Variants in SYNE1 observed in about 807,000 individuals in gnomAD.
SYNE1 encodes the protein spectrin repeat containing nuclear envelope protein 1, also known as nesprin-1.
In SYNE1, 616 loss-of-function variants were observed where a neutral mutation model predicts 1,111.0. The observed-to-expected ratio is 0.55, with a 90% CI of 0.52 to 0.59. The LOEUF is 0.59. SYNE1 is among the 20% of genes least tolerant of loss of function. The pLI is 0.00. For synonymous variants in SYNE1, 3,855 were observed against 3,825.8 expected, an observed-to-expected ratio of 1.01 and a Z score of -0.28; for missense variants, 10,006 against 10,417.0, an observed-to-expected ratio of 0.96 and a Z score of 1.72.
At chr6:152,363,255 G>T (rs1317491975) in intron 63 of SYNE1, among the ~76,000 whole-genome samples, 1 of 148,194 alleles carries the variant, frequency 6.7e-6, no homozygotes, top group Non-Finnish European at 1.5e-5. Context: ...AGCACTTTGG[G>T]AGGCCAAGGC....
chr6:152,509,225 C>A (rs925707831), intron 8 of SYNE1, among the ~76,000 whole-genome samples: 2 of 150,000 alleles, frequency 1.3e-5, no homozygotes, highest in Admixed American at 1.3e-4. Flanking sequence ...TTTTTGAGAG[C>A]ACTCTTTTTC....
At chr6:152,610,400 T>A (rs1446845420) in intron 3 of SYNE1, among the ~76,000 whole-genome samples, 2 of 152,064 alleles carry the variant, frequency 1.3e-5, no homozygotes, top group African/African-American at 4.8e-5. Context: ...GTATCAGTAA[T>A]TGAAGATCAA....
At chr6:152,202,276 G>A (rs2075621972) in intron 126 of SYNE1, among the ~76,000 whole-genome samples, 2 of 146,532 alleles carry the variant, frequency 1.4e-5, no homozygotes, top group Admixed American at 7.0e-5. Context: ...GAACCCAGGA[G>A]GCAGAAGTTG....
chr6:152,472,415 T>C lies in SYNE1; in HGVS notation c.1351-2A>G. 6.2e-7 allele frequency: 1 copy of C among 1,611,650 alleles called. No individual in the cohort carries two copies. The highest frequency in any genetic ancestry group is 8.5e-7 in the Non-Finnish European group (1 of 1,178,200). ...GGCATCCGTGTTTTGAAGCAGATCC[T>C]AAGATACAGTTTAAAAAAAAATAAA... On this transcript the variant is annotated splice_acceptor_variant, in intron 14 of 145. Coordinates refer to ENST00000367255, the MANE Select transcript of SYNE1 (RefSeq NM_182961.4). LOFTEE classifies it high-confidence loss of function.
At chr6:152,607,517 T>C (rs980258642) in intron 3 of SYNE1, among the ~76,000 whole-genome samples, 8 of 152,162 alleles carry the variant, frequency 5.3e-5, no homozygotes, top group African/African-American at 1.7e-4. Context: ...GTCAGAATGC[T>C]GATTGTTAAA....
chr6:152,225,091 T>G (rs1238826766), intron 116 of SYNE1, among the ~76,000 whole-genome samples: 2 of 151,548 alleles, frequency 1.3e-5, no homozygotes, highest in African/African-American at 4.8e-5. Flanking sequence ...CAACACCTTA[T>G]GAGATAGGTA....
intron 3 of SYNE1, among the ~76,000 whole-genome samples, chr6:152,613,565 C>T (rs189407591): frequency 6.6e-6 from 1 of 152,226 alleles, no homozygotes; most frequent in African/African-American, 2.4e-5. Context: ...GTGAAAATGG[C>T]CATACTGCCC....
At chr6:152,412,149 C>T (rs146778815) in intron 42 of SYNE1, among the ~76,000 whole-genome samples, 84 of 152,156 alleles carry the variant, frequency 5.5e-4, no homozygotes, top group Non-Finnish European at 1.0e-3. Flanking sequence ...TGGATGGGTG[C>T]GGTGGCTCAC....
At chr6:152,485,827 T>TG (rs889382120) in intron 12 of SYNE1, among the ~76,000 whole-genome samples, 3 of 152,078 alleles carry the variant, frequency 2.0e-5, no homozygotes, top group African/African-American at 7.2e-5. Context: ...TGAAGAACAC[T>TG]GGGGGGAGAT....
intron 101 of SYNE1, among the ~76,000 whole-genome samples, chr6:152,258,919 A>G (rs1217718496): frequency 6.6e-6 from 1 of 151,652 alleles, no homozygotes; most frequent in East Asian, 1.9e-4. Context: ...TAATTTTTGT[A>G]TTTTTAGTAG....
rs141651133 is a variant in SYNE1, at chr6:152,423,747, T to A, written c.5267+1634A>T. Reference sequence around the variant, plus strand: ...CACATCATCTACTTCTCTGGTCTCATCTGACACAGCTCTGCCCCATATTCC... The same window carrying A: ...CACATCATCTACTTCTCTGGTCTCAACTGACACAGCTCTGCCCCATATTCC... On this transcript the variant is annotated intron_variant, in intron 39 of 145. Coordinates refer to ENST00000367255, the MANE Select transcript of SYNE1 (RefSeq NM_182961.4). Among the ~76,000 whole-genome samples the A allele has an allele frequency of 4.9e-3, 742 of 152,354 alleles. 4 individuals carry two copies. The highest frequency in any genetic ancestry group is 0.017 in the Middle Eastern group (5 of 294).
At chr6:152,635,347 A>C (rs996785742) in intron 2 of SYNE1, among the ~76,000 whole-genome samples, 2 of 152,208 alleles carry the variant, frequency 1.3e-5, no homozygotes, top group African/African-American at 4.8e-5. Context: ...CTTAATCTTC[A>C]GCATGAAACA....
intron 112 of SYNE1, among the ~76,000 whole-genome samples, chr6:152,232,804 C>T (rs1365921768): frequency 6.6e-6 from 1 of 152,214 alleles, no homozygotes; most frequent in East Asian, 1.9e-4. Flanking sequence ...TAACATATCA[C>T]ACATTTATGC....
intron 73 of SYNE1, among the ~76,000 whole-genome samples, chr6:152,345,879 T>C (rs143811603): frequency 6.6e-6 from 1 of 152,330 alleles, no homozygotes; most frequent in Non-Finnish European, 1.5e-5. Context: ...TTAGTGGAAG[T>C]ACACCCACTT....
In SYNE1 at chr6:152,390,998, C is replaced by A. The variant is rs9942536; in HGVS notation, c.8004+279G>T. 0.27 allele frequency among the ~76,000 whole-genome samples: 41,781 copies of A among 152,020 alleles called. 5,912 individuals are homozygous for A. The highest frequency in any genetic ancestry group is 0.29 in the Admixed American group (4,416 of 15,280). On this transcript the variant is annotated intron_variant, in intron 52 of 145. Transcript: ENST00000367255. ...CTAACTTTTATCTCTATATTCCCAG[C>A]AACTTGCAGAGTGCTTGGAGCAGAG...
At chr6:152,282,505 T>C (rs563816912) in intron 96 of SYNE1, among the ~76,000 whole-genome samples, 1 of 152,294 alleles carries the variant, frequency 6.6e-6, no homozygotes, top group African/African-American at 2.4e-5. Context: ...TCCAAATTTC[T>C]AGGTTAGCTC....
At chr6:152,602,923 G>A (rs2099599553) in intron 3 of SYNE1, among the ~76,000 whole-genome samples, 1 of 152,128 alleles carries the variant, frequency 6.6e-6, no homozygotes, top group Non-Finnish European at 1.5e-5. Context: ...TAAATGGAGA[G>A]GTGCCCCTTT....
At chr6:152,167,494 TG>T (rs113475807) in intron 130 of SYNE1, among the ~76,000 whole-genome samples, 4 of 152,194 alleles carry the variant, frequency 2.6e-5, no homozygotes, top group Admixed American at 6.5e-5. Flanking sequence ...TTATTCTAAC[TG>T]AAAAAAATCA....
Position 152,334,147 on chromosome 6 carries a change from G to A in SYNE1, c.12655C>T (p.Leu4219Phe), listed in dbSNP as rs542079050. Residue 4219 changes from leucine to phenylalanine, a missense_variant, in exon 77 of 146, where the codon CTC (leucine) becomes TTC (phenylalanine). Physicochemically the swap from Leu to Phe is conservative, Grantham distance 22. This residue lies in a region of SYNE1 where 4,955 missense variants were observed against 5,017.2 expected (regional missense o/e 0.99). Coordinates refer to ENST00000367255, the MANE Select transcript of SYNE1 (RefSeq NM_182961.4). ...KEINHLNDQWLDLCRQSNNLC... is the reference protein window; with the variant it reads ...KEINHLNDQWFDLCRQSNNLC... ...TTGTTAGACTGACGGCACAAATCGAGCCACTGATCATTTAAATGATTTATT... is the reference window on the plus strand; with the variant it reads ...TTGTTAGACTGACGGCACAAATCGAACCACTGATCATTTAAATGATTTATT... The A allele has an allele frequency of 6.2e-7, 1 of 1,614,100 alleles. No homozygotes were observed. Among genetic ancestry groups the A allele is most frequent in the African/African-American group, 1.3e-5 (1 of 75,034 alleles).
Sources: gnomAD v4.1 joint callset for allele counts (sites outside exome capture counted in the v4.1 genomes callset) on GRCh38, gnomAD v4.1.1 for gene constraint, gnomAD v4.1.1 regional missense constraint, MANE v1.5 for transcripts, NCBI Gene and HGNC (gene_info 2026-07-23, HGNC 2026-07-21) for gene names.